The following NAV2 variants were observed in gnomAD, a reference collection of about 807,000 sequenced individuals.
The protein encoded by NAV2 is neuron navigator 2, also known as helicase, APC down-regulated 1.
NAV2 carries 54 observed loss-of-function variants against 223.2 expected under a neutral mutation model. The ratio of observed to expected loss-of-function variants is 0.24; its 90% CI spans 0.19 to 0.30. NAV2 has a LOEUF of 0.30. NAV2 is among the 10% of genes least tolerant of loss of function. The pLI is 1.00. For synonymous variants in NAV2, 1,279 were observed against 1,239.3 expected, an observed-to-expected ratio of 1.03 and a Z score of -0.67; for missense variants, 2,806 against 3,147.5, an observed-to-expected ratio of 0.89 and a Z score of 2.60.
intron 1 of NAV2, among the ~76,000 whole-genome samples, chr11:19,509,714 A>G (rs943639956): frequency 4.6e-5 from 7 of 152,198 alleles, no homozygotes; most frequent in Non-Finnish European, 5.9e-5. Context: ...GATTTCATCA[A>G]TGTTTCCCCC....
intron 11 of NAV2, among the ~76,000 whole-genome samples, chr11:20,021,774 G>T (rs1306024508): frequency 1.3e-5 from 2 of 152,186 alleles, no homozygotes; most frequent in Non-Finnish European, 2.9e-5. Flanking sequence ...AGATGTGAAT[G>T]ATTAACTTTG....
chr11:19,358,160 T>C (rs940350520), intron 1 of NAV2, among the ~76,000 whole-genome samples: 2 of 152,112 alleles, frequency 1.3e-5, no homozygotes, highest in African/African-American at 4.8e-5. Flanking sequence ...ATTGGTATAA[T>C]TAGAAAGAGA....
chr11:19,757,920 G>T (rs777033255), intron 1 of NAV2, among the ~76,000 whole-genome samples: 2 of 152,140 alleles, frequency 1.3e-5, no homozygotes, highest in Non-Finnish European at 2.9e-5. Context: ...CTTACCCCCA[G>T]TCTCTTGGTG....
At chr11:19,447,078 GC>G (rs1290806721) in intron 1 of NAV2, among the ~76,000 whole-genome samples, 1 of 152,190 alleles carries the variant, frequency 6.6e-6, no homozygotes, top group Non-Finnish European at 1.5e-5. Flanking sequence ...AGAAGATTTT[GC>G]CCCACTCACA....
intron 1 of NAV2, among the ~76,000 whole-genome samples, chr11:19,603,829 A>T (rs2046411308): frequency 6.6e-6 from 1 of 152,006 alleles, no homozygotes; most frequent in Non-Finnish European, 1.5e-5. Flanking sequence ...GAGTGATGGA[A>T]GGTTTTATAT....
intron 1 of NAV2, among the ~76,000 whole-genome samples, chr11:19,782,430 G>T (rs1284330300): frequency 6.6e-6 from 1 of 152,214 alleles, no homozygotes; most frequent in Non-Finnish European, 1.5e-5. Context: ...TGTGTTAATA[G>T]AGAAGTAGAG....
chr11:19,950,903 A>G (rs1301949038), intron 10 of NAV2, among the ~76,000 whole-genome samples: 1 of 152,210 alleles, frequency 6.6e-6, no homozygotes, highest in Non-Finnish European at 1.5e-5. Flanking sequence ...CAAAAAAGGT[A>G]TGATCTAATG....
chr11:19,356,408 A>AC (rs1473506829), intron 1 of NAV2, among the ~76,000 whole-genome samples: 1 of 152,208 alleles, frequency 6.6e-6, no homozygotes, highest in East Asian at 1.9e-4. Flanking sequence ...ACTGTGTGCC[A>AC]GCCAGCCGCA....
Position 19,529,067 on chromosome 11 carries a change from C to A in NAV2, c.75+178040C>A, listed in dbSNP as rs7114448. Among the ~76,000 whole-genome samples the A allele has an allele frequency of 6.5e-3, 995 of 152,228 alleles. 9 individuals carry two copies. Among genetic ancestry groups the A allele is most frequent in the African/African-American group, 0.023 (964 of 41,516 alleles). ...GGGCGTTTTGGCACGTGCGTGCACA[C>A]ACACACACACACTCCAGGTCGGAAA... On this transcript the variant is annotated intron_variant, in intron 1 of 37. Transcript: ENST00000360655.
chr11:19,703,967 T>C (rs2049585027), intron 1 of NAV2, among the ~76,000 whole-genome samples: 1 of 152,008 alleles, frequency 6.6e-6, no homozygotes, highest in Non-Finnish European at 1.5e-5. Context: ...AGTAACCTCA[T>C]TGCTTTTTTC....
chr11:20,027,397 GC>G (rs1331738679), intron 11 of NAV2: 137 of 981,376 alleles, frequency 1.4e-4, no homozygotes, highest in Non-Finnish European at 1.6e-4. Flanking sequence ...CAGCTGTCTG[GC>G]GGGGGGCATG....
intron 1 of NAV2, among the ~76,000 whole-genome samples, chr11:19,686,589 A>G: frequency 6.6e-6 from 1 of 152,202 alleles, no homozygotes; most frequent in East Asian, 1.9e-4. Context: ...GTTGTGAGCA[A>G]AATAAGTTCA....
At chr11:19,417,399 C>T (rs1371947998) in intron 1 of NAV2, among the ~76,000 whole-genome samples, 1 of 152,122 alleles carries the variant, frequency 6.6e-6, no homozygotes. Context: ...AATGAGATAC[C>T]ATCCCATGCC....
intron 1 of NAV2, among the ~76,000 whole-genome samples, chr11:19,765,331 A>C (rs1358472282): frequency 1.3e-5 from 2 of 149,862 alleles, no homozygotes; most frequent in Admixed American, 6.7e-5. Context: ...CTCCTTCCTC[A>C]TCCTTCCTCC....
chr11:19,532,076 TAGA>T (rs2044043203), intron 1 of NAV2, among the ~76,000 whole-genome samples: 1 of 152,196 alleles, frequency 6.6e-6, no homozygotes, highest in Non-Finnish European at 1.5e-5. Flanking sequence ...TGGAAACTAA[TAGA>T]AGTATAAAGG....
At chr11:19,361,473 G>A (rs777596495) in intron 1 of NAV2, among the ~76,000 whole-genome samples, 3 of 151,988 alleles carry the variant, frequency 2.0e-5, no homozygotes, top group Non-Finnish European at 4.4e-5. Flanking sequence ...AGCCTTTTGT[G>A]GGCATTTGGT....
chr11:19,897,485 G>A (rs1015791526), intron 6 of NAV2, among the ~76,000 whole-genome samples: 10 of 151,906 alleles, frequency 6.6e-5, no homozygotes, highest in African/African-American at 2.4e-4. Context: ...TTAAAATCAT[G>A]CCCCCTCCTA....
At chr11:19,983,794 A>G (rs2050510315) in intron 10 of NAV2, among the ~76,000 whole-genome samples, 1 of 152,234 alleles carries the variant, frequency 6.6e-6, no homozygotes, top group Non-Finnish European at 1.5e-5. Context: ...TGCTTGTATA[A>G]TCGCTGACAT....
intron 1 of NAV2, among the ~76,000 whole-genome samples, chr11:19,465,727 A>T (rs1232344455): frequency 1.3e-5 from 2 of 152,230 alleles, no homozygotes; most frequent in Non-Finnish European, 2.9e-5. Context: ...ATCCCACTTG[A>T]TCCTCAAAAC....
Sources: allele counts gnomAD v4.1 joint callset (sites outside exome capture counted in the v4.1 genomes callset), GRCh38; gene constraint gnomAD v4.1.1; transcripts MANE v1.5; gene names NCBI Gene and HGNC (gene_info 2026-07-23, HGNC 2026-07-21).